The following THAP8 variants were observed in gnomAD, a reference collection of about 807,000 sequenced individuals.
THAP8 encodes the protein THAP domain-containing protein 8.
A neutral mutation model predicts 25.0 loss-of-function variants in THAP8; 24 were observed. The ratio of observed to expected loss-of-function variants is 0.96; its 90% confidence interval spans 0.69 to 1.35. The LOEUF (loss-of-function observed/expected upper bound fraction) is 1.35. THAP8 is among the 40% of genes most tolerant of loss of function. THAP8 has a pLI of 0.00. For missense variants in THAP8, 399 were observed against 368.8 expected, an observed-to-expected ratio of 1.08 and a Z score of -0.67; for synonymous variants, 169 against 157.6, an observed-to-expected ratio of 1.07 and a Z score of -0.54.
chr19:36,039,188 C>T, intron 3 of THAP8, 135 bp downstream of exon 3: 1 of 1,284,894 alleles, frequency 7.8e-7, no homozygotes, highest in Non-Finnish European at 1.0e-6. Flanking sequence ...AGCCACTGAG[C>T]CCGGGAAAGC....
intron 3 of THAP8, 21 bp from the exon 4 acceptor site, chr19:36,035,613 A>G: frequency 6.2e-7 from 1 of 1,606,588 alleles, no homozygotes; most frequent in Non-Finnish European, 8.5e-7. Flanking sequence ...GAAGTGGTAG[A>G]GATGGGGAAC....
intron 1 of THAP8, among the ~76,000 whole-genome samples, chr19:36,041,273 C>T (rs1215890135): frequency 6.7e-6 from 1 of 149,942 alleles, no homozygotes; most frequent in Non-Finnish European, 1.5e-5. Flanking sequence ...GATTGCGCAA[C>T]TGTACTCCAG....
intron 1 of THAP8, among the ~76,000 whole-genome samples, chr19:36,046,398 T>C (rs772689295): frequency 6.6e-6 from 1 of 151,998 alleles, no homozygotes; most frequent in Non-Finnish European, 1.5e-5. Context: ...CTAAGACACA[T>C]AGGAAGGACA....
chr19:36,035,640 C>T (rs767879507), intron 3 of THAP8, 48 bp from the exon 4 acceptor site: 22 of 1,587,840 alleles, frequency 1.4e-5, no homozygotes, highest in South Asian at 2.3e-5. Context: ...AAGCAAGTTG[C>T]GGGAGAGACA....
intron 1 of THAP8, chr19:36,045,919 T>G (rs1599723944): frequency 2.2e-6 from 1 of 456,260 alleles, no homozygotes; most frequent in Non-Finnish European, 4.4e-6. Flanking sequence ...AGAAAATAAT[T>G]TGTCTTGTTT....
At chr19:36,054,712 T>C (rs1242106159), upstream of THAP8, 5 of 591,398 alleles carry the variant, frequency 8.5e-6, no homozygotes, top group African/African-American at 5.6e-5. Flanking sequence ...AAACGCAGTC[T>C]GGATGAAAGA....
At chr19:36,054,636 C>T (rs773875836), upstream of THAP8, 3 of 547,428 alleles carry the variant, frequency 5.5e-6, no homozygotes, top group African/African-American at 3.8e-5. Flanking sequence ...CGGCAAAAAC[C>T]GAGGTGAGGC....
Position 36,035,244 on chromosome 19 carries a change from G to A in THAP8, c.*196C>T. The A allele has an allele frequency of 1.6e-6, 1 of 608,164 alleles. No homozygotes were observed. The highest frequency in any genetic ancestry group is 2.7e-6 in the Non-Finnish European group (1 of 370,172). 37.7% of individuals were successfully genotyped at this position (608,164 alleles called of 1,614,324 possible). A position where few individuals can be genotyped will look rare whatever the true frequency, so the allele number is the denominator to read the frequency against. Reference sequence around the variant, plus strand: ...GAAGCCTGGTACCCAGGGGATTGGGGGCTGATGAGAGACTTGGGCCCAGGT... The same window carrying A: ...GAAGCCTGGTACCCAGGGGATTGGGAGCTGATGAGAGACTTGGGCCCAGGT... On this transcript the variant is annotated 3_prime_UTR_variant, in exon 4 of 4. Coordinates refer to ENST00000292894, the MANE Select transcript of THAP8 (RefSeq NM_152658.3).
intron 3 of THAP8, among the ~76,000 whole-genome samples, chr19:36,038,014 G>A (rs1031128301): frequency 4.6e-5 from 7 of 151,812 alleles, no homozygotes; most frequent in African/African-American, 1.5e-4. Context: ...GTGCCATCTC[G>A]GCTTACTGCA....
intron 1 of THAP8, among the ~76,000 whole-genome samples, chr19:36,053,894 T>A (rs982182335): frequency 3.3e-5 from 5 of 152,100 alleles, no homozygotes; most frequent in South Asian, 2.1e-4. Context: ...ACTTCTTACA[T>A]CCCTTTCACT....
intron 1 of THAP8, among the ~76,000 whole-genome samples, chr19:36,044,614 C>T (rs963892782): frequency 1.3e-5 from 2 of 152,122 alleles, no homozygotes; most frequent in African/African-American, 2.4e-5. Context: ...CTCAGCCTCC[C>T]GAGTACCTGG....
At chr19:36,052,265 G>C (rs1050919430) in intron 1 of THAP8, among the ~76,000 whole-genome samples, 1 of 152,090 alleles carries the variant, frequency 6.6e-6, no homozygotes, top group Non-Finnish European at 1.5e-5. Flanking sequence ...GGATGGTCTC[G>C]ATCTCCTGAC....
At chr19:36,047,825 CAA>C (rs111270538) in intron 1 of THAP8, among the ~76,000 whole-genome samples, 11 of 106,456 alleles carry the variant, frequency 1.0e-4, no homozygotes, top group Non-Finnish European at 1.4e-4. Context: ...ATGAGACTTT[CAA>C]AAAAAAAAAA....
intron 1 of THAP8, among the ~76,000 whole-genome samples, chr19:36,041,312 T>TAA (rs76247583): frequency 5.0e-5 from 7 of 140,240 alleles, no homozygotes; most frequent in African/African-American, 1.3e-4. Context: ...ACCCTGTCTT[T>TAA]AAAAAAAAAA....
At chr19:36,045,637 G>T in intron 1 of THAP8, 1 of 433,348 alleles carries the variant, frequency 2.3e-6, no homozygotes, top group Non-Finnish European at 4.6e-6. Context: ...ATTATCCTGG[G>T]TCATCCGGGT....
intron 1 of THAP8, among the ~76,000 whole-genome samples, chr19:36,046,844 T>C (rs751881959): frequency 2.0e-5 from 3 of 152,130 alleles, no homozygotes; most frequent in Non-Finnish European, 4.4e-5. Context: ...CCAGGATCCT[T>C]TGCAGCTGGC....
At chr19:36,044,758 C>T (rs1969816840) in intron 1 of THAP8, among the ~76,000 whole-genome samples, 1 of 152,172 alleles carries the variant, frequency 6.6e-6, no homozygotes, top group Non-Finnish European at 1.5e-5. Flanking sequence ...TCCCAAAGTG[C>T]TGCGATTATA....
intron 1 of THAP8, among the ~76,000 whole-genome samples, chr19:36,041,957 C>T (rs911999440): frequency 1.3e-5 from 2 of 152,076 alleles, no homozygotes; most frequent in South Asian, 4.2e-4. Context: ...TGGCAATGTG[C>T]ATCTATAGTT....
chr19:36,045,795 C>T (rs371197959), intron 1 of THAP8: 26 of 456,608 alleles, frequency 5.7e-5, no homozygotes, highest in South Asian at 1.9e-4. Flanking sequence ...CACCAGGAAC[C>T]GGAACAGGCA....
Sources: allele counts gnomAD v4.1 joint callset (sites outside exome capture counted in the v4.1 genomes callset), GRCh38; gene constraint gnomAD v4.1.1; transcripts MANE v1.5; gene names NCBI Gene and HGNC (gene_info 2026-07-23, HGNC 2026-07-21).